Variants in LIMCH1 observed in about 807,000 individuals in gnomAD.
The protein encoded by LIMCH1 is LIM and calponin homology domains 1.
Under a neutral mutation model 176.5 loss-of-function variants are expected in LIMCH1, and 113 were observed. The ratio of observed to expected loss-of-function variants is 0.64; its 90% CI spans 0.55 to 0.75. The LOEUF (loss-of-function observed/expected upper bound fraction) is 0.75, where lower values mean the gene tolerates loss of function less well. Ranked by LOEUF, LIMCH1 falls within the 30% of genes least tolerant of loss-of-function variation. The pLI is 0.00. For missense variants in LIMCH1, 1,674 were observed against 1,814.9 expected (o/e 0.92, Z 1.41); for synonymous variants, 619 against 645.9 (o/e 0.96, Z 0.63).
intron 2 of LIMCH1, among the ~76,000 whole-genome samples, chr4:41,499,699 T>TC (rs1395452062): frequency 6.6e-6 from 1 of 152,148 alleles, no homozygotes; most frequent in Non-Finnish European, 1.5e-5. Flanking sequence ...ATGCCTCTAG[T>TC]CCCAGCTACT....
At chr4:41,603,202 G>A (rs1023363862) in intron 2 of LIMCH1, among the ~76,000 whole-genome samples, 2 of 152,094 alleles carry the variant, frequency 1.3e-5, no homozygotes, top group Admixed American at 6.5e-5. Flanking sequence ...ATTTGTTGAC[G>A]TGTTAAAAAA....
At chr4:41,598,593 C>T (rs2089358109) in intron 1 of LIMCH1, among the ~76,000 whole-genome samples, 1 of 151,912 alleles carries the variant, frequency 6.6e-6, no homozygotes, top group Non-Finnish European at 1.5e-5. Flanking sequence ...AAGACATGGA[C>T]AAAGAAGCAA....
Position 41,627,019 on chromosome 4 carries a change from G to GGTGTGT in LIMCH1, c.1028+38_1028+43dup, listed in dbSNP as rs34266308. On this transcript the variant is annotated intron_variant, in intron 8 of 31. Transcript: ENST00000503057. Reference sequence around the variant, plus strand: ...AGTCTAGAATATAAAAGGTGTGCATGGTGTGTGTGTGTGTGTGTGTGTGTG... The same window carrying GGTGTGT: ...AGTCTAGAATATAAAAGGTGTGCATGGTGTGTGTGTGTGTGTGTGTGTGTGTGTGTG... 0.034 allele frequency: 48,029 copies of GGTGTGT among 1,398,846 alleles called. 251 individuals carry two copies. The highest frequency in any genetic ancestry group is 0.12 in the East Asian group (4,824 of 38,598). 86.7% of individuals were successfully genotyped at this position (1,398,846 alleles called of 1,614,324 possible). A position where few individuals can be genotyped will look rare whatever the true frequency, so the allele number is the denominator to read the frequency against.
Position 41,360,788 on chromosome 4 carries a change from G to GACGGCGGCGGCC in LIMCH1, c.-52_-41dup, listed in dbSNP as rs2051860548. On this transcript the variant is annotated 5_prime_UTR_variant, in exon 1 of 27. Coordinates refer to the LIMCH1 transcript ENST00000313860. The surrounding 1 kb of genome is among the most constrained non-coding windows in gnomAD (Gnocchi z 4.5). The stretch of plus-strand genomic sequence containing the variant: ...GCGGGGAGCGCGCTCCTGCGGCGGC[G>GACGGCGGCGGCC]ACGGCGGCGGCCGTCCTCATCCCGG... 4 of 1,386,398 alleles carry GACGGCGGCGGCC rather than the reference G, an allele frequency of 2.9e-6. No homozygotes were observed. Among genetic ancestry groups the GACGGCGGCGGCC allele is most frequent in the Non-Finnish European group, 3.9e-6 (4 of 1,031,882 alleles). 85.9% of individuals were successfully genotyped at this position (1,386,398 alleles called of 1,614,324 possible).
Position 41,552,415 on chromosome 4 carries a change from G to T in LIMCH1, c.-241+14065G>T, listed in dbSNP as rs192004234. On this transcript the variant is annotated intron_variant, in intron 1 of 31. Coordinates refer to ENST00000503057, the MANE Select transcript of LIMCH1 (RefSeq NM_001330672.2). ...ATGGCATGTGCCACGCCTGCATCAGGATCCATCTGAGAGGAAGAACACTCC... is the reference window on the plus strand; with the variant it reads ...ATGGCATGTGCCACGCCTGCATCAGTATCCATCTGAGAGGAAGAACACTCC... Among the ~76,000 whole-genome samples, 183 of 152,228 alleles carry T rather than the reference G, an allele frequency of 1.2e-3. 1 individual carries two copies. Among genetic ancestry groups the T allele is most frequent in the African/African-American group, 4.2e-3 (175 of 41,538 alleles).
rs117323265 is a variant in LIMCH1, at chr4:41,484,774, T to G, written c.97-9762T>G. Among the ~76,000 whole-genome samples the G allele has an allele frequency of 6.2e-4, 94 of 152,308 alleles. No individual in the cohort carries two copies. In the East Asian group the frequency reaches 0.016, roughly 26 times the overall value. ...CCAGTTGCTTGAATCTAGGCACCATTATTTCATCAGCCAACAGAATCTCCT... is the reference window on the plus strand; with the variant it reads ...CCAGTTGCTTGAATCTAGGCACCATGATTTCATCAGCCAACAGAATCTCCT... On this transcript the variant is annotated intron_variant, in intron 1 of 26. Transcript: ENST00000313860.
At chr4:41,468,495 G>A (rs1404932015) in intron 1 of LIMCH1, among the ~76,000 whole-genome samples, 1 of 149,686 alleles carries the variant, frequency 6.7e-6, no homozygotes, top group Non-Finnish European at 1.5e-5. Flanking sequence ...AATGACATTA[G>A]GTTATTCTTT....
At chr4:41,446,530 A>G (rs1334418009) in intron 1 of LIMCH1, among the ~76,000 whole-genome samples, 1 of 152,236 alleles carries the variant, frequency 6.6e-6, no homozygotes, top group Non-Finnish European at 1.5e-5. Flanking sequence ...GCTTTATTTT[A>G]TACTAGCTAA....
chr4:41,694,557 A>G (rs1440106077), intron 31 of LIMCH1, among the ~76,000 whole-genome samples: 1 of 152,182 alleles, frequency 6.6e-6, no homozygotes, highest in Admixed American at 6.5e-5. Flanking sequence ...TAACTTTTCC[A>G]GATAACATGT....
At chr4:41,631,590 C>T in intron 10 of LIMCH1, 113 bp downstream of exon 10, 2 of 866,212 alleles carry the variant, frequency 2.3e-6, no homozygotes, top group South Asian at 3.9e-5. Flanking sequence ...TTTTAACAGA[C>T]TATGTATAGC....
chr4:41,600,106 A>G (rs1337456489), intron 2 of LIMCH1, among the ~76,000 whole-genome samples: 1 of 152,196 alleles, frequency 6.6e-6, no homozygotes, highest in Admixed American at 6.6e-5. Flanking sequence ...GACTGGGAAT[A>G]TGGGAGAGTT....
At chr4:41,529,946 G>T (rs1231538062) in intron 3 of LIMCH1, among the ~76,000 whole-genome samples, 1 of 152,130 alleles carries the variant, frequency 6.6e-6, no homozygotes, top group Non-Finnish European at 1.5e-5. Flanking sequence ...ACTCAGAAAC[G>T]CATTTTGGGG....
intron 1 of LIMCH1, among the ~76,000 whole-genome samples, chr4:41,394,069 C>A (rs924497525): frequency 3.3e-5 from 5 of 152,040 alleles, no homozygotes; most frequent in African/African-American, 7.2e-5. Flanking sequence ...GGATTGAGTT[C>A]TTTGTCTATG....
chr4:41,394,307 T>C (rs2057571444), intron 1 of LIMCH1, among the ~76,000 whole-genome samples: 1 of 152,200 alleles, frequency 6.6e-6, no homozygotes, highest in South Asian at 2.1e-4. Context: ...AGAAGTTAGA[T>C]TCTTGGGTTA....
chr4:41,562,675 G>A (rs972296234), intron 1 of LIMCH1, among the ~76,000 whole-genome samples: 10 of 152,150 alleles, frequency 6.6e-5, no homozygotes, highest in African/African-American at 1.9e-4. Flanking sequence ...TTATTGGTAC[G>A]GAAATGTTTA....
intron 1 of LIMCH1, among the ~76,000 whole-genome samples, chr4:41,564,330 A>G (rs1199842893): frequency 6.6e-6 from 1 of 152,126 alleles, no homozygotes; most frequent in East Asian, 1.9e-4. Flanking sequence ...CATTGAGGCT[A>G]TTTCAGGTTT....
chr4:41,581,805 C>CAAAAAAAAAAAAAAAAAAAAAAA (rs56150312), intron 1 of LIMCH1, among the ~76,000 whole-genome samples: 11 of 76,186 alleles, frequency 1.4e-4, no homozygotes, highest in Admixed American at 3.5e-4. Flanking sequence ...GACTCTGTCT[C>CAAAAAAAAAAAAAAAAAAAAAAA]AAAAAAAAAA....
chr4:41,531,169 GT>G (rs1265475465), intron 3 of LIMCH1, among the ~76,000 whole-genome samples: 1 of 152,010 alleles, frequency 6.6e-6, no homozygotes, highest in Admixed American at 6.6e-5. Context: ...CCGAACATTT[GT>G]TTGGAGACAT....
At chr4:41,558,671 A>G (rs1297453828) in intron 1 of LIMCH1, among the ~76,000 whole-genome samples, 1 of 152,170 alleles carries the variant, frequency 6.6e-6, no homozygotes, top group East Asian at 1.9e-4. Flanking sequence ...CCCATGGTAC[A>G]GTTTCCTACG....
Sources: gnomAD v4.1 joint callset for allele counts (sites outside exome capture counted in the v4.1 genomes callset) on GRCh38, gnomAD v4.1.1 for gene constraint, Gnocchi (gnomAD v3.1) non-coding constraint, MANE v1.5 for transcripts, NCBI Gene and HGNC (gene_info 2026-07-23, HGNC 2026-07-21) for gene names.